The following BRCA1 variants were observed in gnomAD, a reference collection of about 807,000 sequenced individuals.
BRCA1 encodes the protein breast cancer type 1 susceptibility protein.
Under a neutral mutation model 173.7 loss-of-function variants are expected in BRCA1, and 140 were observed. That is an observed-to-expected ratio of 0.81 (90% CI 0.70 to 0.93). The LOEUF is 0.93. Ranked by LOEUF, BRCA1 falls within the 40% of genes least tolerant of loss-of-function variation. BRCA1 has a pLI of 0.00. For synonymous variants in BRCA1, 662 were observed against 756.0 expected, an observed-to-expected ratio of 0.88 and a Z score of 2.04; for missense variants, 1,983 against 2,172.5, an observed-to-expected ratio of 0.91 and a Z score of 1.73.
intron 1 of BRCA1, among the ~76,000 whole-genome samples, chr17:43,136,666 C>T (rs2056027073): frequency 6.6e-6 from 1 of 152,172 alleles, no homozygotes; most frequent in South Asian, 2.1e-4. Flanking sequence ...TTTATGCAGC[C>T]AACAGACACA....
At chr17:43,161,819 T>G (rs542558159) in intron 1 of BRCA1, 1 of 152,336 alleles carries the variant, frequency 6.6e-6, no homozygotes, top group East Asian at 1.9e-4. Context: ...TGGCCATTGA[T>G]CTGCTATTAC....
At chr17:43,072,596 T>A (rs960317736) in intron 14 of BRCA1, among the ~76,000 whole-genome samples, 8 of 149,492 alleles carry the variant, frequency 5.4e-5, no homozygotes, top group Non-Finnish European at 1.0e-4. Flanking sequence ...TGGAGTTTCA[T>A]TCTTGTTGCC....
chr17:43,103,325 G>A (rs573003316), intron 6 of BRCA1, among the ~76,000 whole-genome samples: 1 of 152,140 alleles, frequency 6.6e-6, no homozygotes, highest in Admixed American at 6.6e-5. Flanking sequence ...AAATTAGCCA[G>A]GTCTGGTGTC....
rs1320718969 is a variant in BRCA1, at chr17:43,050,297, C to T, written c.5332+766G>A. ...CTAAGCATAACATTGTATTAAGTGT[C>T]AAGTTTAATTAGAAAATGTTCATGG... On this transcript the variant is annotated intron_variant, in intron 20 of 22. Coordinates refer to ENST00000357654, the MANE Select transcript of BRCA1 (RefSeq NM_007294.4). The T allele has an allele frequency of 1.8e-5, 7 of 386,550 alleles. No homozygotes were observed. The East Asian group carries it at 2.6e-4, about 14-fold the overall frequency. The allele number at this position is 386,550 out of a possible 1,614,324, so 23.9% of individuals were successfully genotyped here.
Position 43,115,708 on chromosome 17 carries a change from T to C in BRCA1, c.134+18A>G, listed in dbSNP as rs1555599182. On this transcript the variant is annotated intron_variant, in intron 3 of 22. Coordinates refer to ENST00000357654, the MANE Select transcript of BRCA1 (RefSeq NM_007294.4). ...AACAAAAGCTAATAATGGAGCCACA[T>C]AACACATTCAAACTTACTTGCAAAA... is the stretch of plus-strand genomic sequence containing the variant. The C allele has an allele frequency of 6.2e-7, 1 of 1,611,080 alleles. No homozygotes were observed.
At chr17:43,159,993 G>A (rs574522851) in intron 1 of BRCA1, 1 of 152,086 alleles carries the variant, frequency 6.6e-6, no homozygotes, top group East Asian at 1.9e-4. Flanking sequence ...CAGCTTCAGA[G>A]GAAGGTTCTT....
intron 1 of BRCA1, chr17:43,153,747 T>A (rs2154581631): frequency 6.6e-6 from 1 of 152,340 alleles, no homozygotes; most frequent in South Asian, 2.1e-4. Flanking sequence ...ATAGGCCTAA[T>A]CAAATTCAGG....
At chr17:43,169,911 A>G in intron 1 of BRCA1, 2 of 439,158 alleles carry the variant, frequency 4.6e-6, no homozygotes, top group Admixed American at 2.5e-5. Flanking sequence ...GTGGCTCCCA[A>G]TGTTGACGTT....
intron 3 of BRCA1, among the ~76,000 whole-genome samples, chr17:43,107,013 A>G (rs1021310032): frequency 6.6e-6 from 1 of 152,056 alleles, no homozygotes; most frequent in African/African-American, 2.4e-5. Flanking sequence ...ATAAACTCAT[A>G]CATACATCTG....
In BRCA1 at chr17:43,049,188, A is replaced by G. The variant is rs80357474; in HGVS notation, c.5339T>C (p.Leu1780Pro). Residue 1780 changes from leucine to proline, a missense_variant, in exon 21 of 23, where the codon CTG becomes CCG. Transcript: ENST00000357654. ...GPFTNMPTDQ[L>P]EWMVQLCGAS... is the part of the protein sequence containing the mutation. ...ACCACACAGCTGTACCATCCATTCC[A>G]GTTGATCTAAAATGGACATTTAGAT... 1.2e-6 allele frequency: 2 copies of G among 1,614,064 alleles called. No homozygotes were observed. The highest frequency in any genetic ancestry group is 4.5e-5 in the East Asian group (2 of 44,886).
rs80357813 is a variant in BRCA1 at position 43,074,430 on chromosome 17, CTT to C, written c.4574_4575del (p.Gln1525ArgfsTer5). 6 of 1,614,164 alleles carry C rather than the reference CTT, an allele frequency of 3.7e-6. No individual in the cohort carries two copies. Among genetic ancestry groups the C allele is most frequent in the Non-Finnish European group, 5.1e-6 (6 of 1,180,032 alleles). On this transcript the variant is annotated frameshift_variant, in exon 14 of 23. Coordinates refer to ENST00000357654, the MANE Select transcript of BRCA1 (RefSeq NM_007294.4). LOFTEE classifies it high-confidence loss of function. ...ACATCAACAACCTTAATGAGCTCCTCTTGAGATGGGTAGTTTCTATTCTGAAG... is the reference window on the plus strand; with the variant it reads ...ACATCAACAACCTTAATGAGCTCCTCGAGATGGGTAGTTTCTATTCTGAAG... ...GSLQNRNYPSQEELIKVVDVE... is the reference protein window; with the variant it reads ...GSLQNRNYPSXEELIKVVDVE...
Position 43,102,948 on chromosome 17 carries a change from C to CT in BRCA1, c.441+1173dup, listed in dbSNP as rs36085989. ...AGGCGTGAGCCACGGCACCCAGCTA[C>CT]TTTTTTTTTTTTTTAATTGCAGAGA... On this transcript the variant is annotated intron_variant, in intron 6 of 22. Coordinates refer to ENST00000357654, the MANE Select transcript of BRCA1 (RefSeq NM_007294.4). 0.45 allele frequency among the ~76,000 whole-genome samples: 65,227 copies of CT among 146,406 alleles called. 16,072 individuals are homozygous for CT. The highest frequency in any genetic ancestry group is 0.65 in the South Asian group (2,978 of 4,592).
chr17:43,082,473 G>A lies in BRCA1; in HGVS notation c.4288C>T (p.Pro1430Ser), dbSNP rs80357466. The A allele has an allele frequency of 6.2e-7, 1 of 1,614,112 alleles. No individual in the cohort carries two copies. The highest frequency in any genetic ancestry group is 8.5e-7 in the Non-Finnish European group (1 of 1,179,988). The change falls in exon 12 of 23, where the codon CCT becomes TCT. Residue 1430 changes from proline to serine, a missense_variant. Transcript: ENST00000357654. The part of the protein sequence containing the change: ...QHGSQPSNSY[P>S]SIISDSSALE... ...GCAGAAGAGTCACTTATGATGGAAG[G>A]GTAGCTGTTAGAAGGCTGGCTCCCA...
At chr17:43,107,061 A>C (rs1473914212) in intron 3 of BRCA1, among the ~76,000 whole-genome samples, 2 of 119,946 alleles carry the variant, frequency 1.7e-5, no homozygotes, top group East Asian at 4.6e-4. Flanking sequence ...ATACCAAGAC[A>C]ATTTTTTTTT....
At chr17:43,136,897 G>T (rs562066493) in intron 1 of BRCA1, among the ~76,000 whole-genome samples, 1 of 152,288 alleles carries the variant, frequency 6.6e-6, no homozygotes, top group African/African-American at 2.4e-5. Context: ...TCTAGAACTA[G>T]AAATACCATT....
intron 14 of BRCA1, among the ~76,000 whole-genome samples, chr17:43,071,774 C>T (rs1054897148): frequency 9.5e-5 from 14 of 148,092 alleles, no homozygotes; most frequent in South Asian, 4.3e-4. Flanking sequence ...GAGGCCGAGA[C>T]GGGTGGATCA....
intron 22 of BRCA1, among the ~76,000 whole-genome samples, chr17:43,046,757 C>CAA (rs370148636): frequency 0.018 from 1,913 of 105,954 alleles, 30 homozygotes; most frequent in Middle Eastern, 0.055. Flanking sequence ...GACTCCACCT[C>CAA]AAAAAAAAAA....
chr17:43,050,457 C>CA (rs1244846089), intron 20 of BRCA1, among the ~76,000 whole-genome samples: 1 of 151,204 alleles, frequency 6.6e-6, no homozygotes, highest in Non-Finnish European at 1.5e-5. Context: ...AAAAAAAATA[C>CA]AAAAAATTAG....
At chr17:43,101,364 T>C (rs1402574614) in intron 6 of BRCA1, among the ~76,000 whole-genome samples, 1 of 151,906 alleles carries the variant, frequency 6.6e-6, no homozygotes, top group Non-Finnish European at 1.5e-5. Flanking sequence ...GCCTGGCTAA[T>C]TTTTGTATTT....
Sources: allele counts gnomAD v4.1 joint callset (sites outside exome capture counted in the v4.1 genomes callset), GRCh38; gene constraint gnomAD v4.1.1; transcripts MANE v1.5; gene names NCBI Gene and HGNC (gene_info 2026-07-23, HGNC 2026-07-21).